PCDHGB1: variants seen among roughly 807,000 people sequenced by gnomAD.
PCDHGB1 encodes the protein protocadherin gamma subfamily B, 1, also known as protocadherin gamma-B1.
PCDHGB1 carries 34 observed loss-of-function variants against 56.6 expected under a neutral mutation model. The ratio of observed to expected loss-of-function variants is 0.60; its 90% CI spans 0.46 to 0.80. PCDHGB1 has a LOEUF of 0.80. PCDHGB1 is among the 30% of genes least tolerant of loss of function. The probability of loss-of-function intolerance (pLI) is 0.00; values close to 1 mark genes in which losing one functional copy is unlikely to be tolerated. For missense variants in PCDHGB1, 1,278 were observed against 1,204.6 expected (o/e 1.06, Z -0.90); for synonymous variants, 561 against 505.9 (o/e 1.11, Z -1.46).
chr5:141,371,704 C>A, intron 1 of PCDHGB1: 1 of 1,614,030 alleles, frequency 6.2e-7, no homozygotes, highest in Non-Finnish European at 8.5e-7. Context: ...TCCAGCAAGA[C>A]CATCACTCTG....
In PCDHGB1 at chr5:141,486,270, G is replaced by A. The variant is rs1052584402; in HGVS notation, c.2410-8537G>A. 2 of 1,614,062 alleles carry A rather than the reference G, an allele frequency of 1.2e-6. No homozygotes were observed. Reference sequence around the variant, plus strand: ...ACCCTCCCCGAGAGTGCAGAACCTGGCACTGTGGTGGCACTTATCAGTGTG... The same window carrying A: ...ACCCTCCCCGAGAGTGCAGAACCTGACACTGTGGTGGCACTTATCAGTGTG... On this transcript the variant is annotated intron_variant, in intron 1 of 3. Coordinates refer to ENST00000523390, the MANE Select transcript of PCDHGB1 (RefSeq NM_018922.3). This position sits in a 1 kb window ranked among gnomAD's most constrained non-coding sequence, Gnocchi z 5.0.
At chr5:141,499,025 GAAGA>G (rs1309889371) in intron 2 of PCDHGB1, among the ~76,000 whole-genome samples, 11 of 140,712 alleles carry the variant, frequency 7.8e-5, no homozygotes, top group African/African-American at 2.6e-4. Flanking sequence ...AGGAAGGAAG[GAAGA>G]AAAGAAAGAA....
intron 1 of PCDHGB1, chr5:141,375,643 C>T (rs1443985601): frequency 1.9e-6 from 3 of 1,614,092 alleles, no homozygotes; most frequent in Admixed American, 3.3e-5. Flanking sequence ...TGCGCTCCTT[C>T]GACTATGAGC....
Position 141,491,913 on chromosome 5 carries a change from T to C in PCDHGB1, c.2410-2894T>C, listed in dbSNP as rs2099735120. 2.1e-6 allele frequency: 3 copies of C among 1,398,206 alleles called. No homozygotes were observed. Among genetic ancestry groups the C allele is most frequent in the Non-Finnish European group, 2.9e-6 (3 of 1,051,918 alleles). The allele number at this position is 1,398,206 out of a possible 1,614,324, so 86.6% of individuals were successfully genotyped here. On this transcript the variant is annotated intron_variant, in intron 1 of 3. Coordinates refer to ENST00000523390, the MANE Select transcript of PCDHGB1 (RefSeq NM_018922.3). The surrounding 1 kb of genome is among the most constrained non-coding windows in gnomAD (Gnocchi z 6.9). ...TCCGAGCACCGGGGGTGGTGGCGAC[T>C]GTGGGCGAGGGGAGGTGGGACCGAC... is the stretch of plus-strand genomic sequence containing the variant.
intron 1 of PCDHGB1, chr5:141,408,653 C>T (rs1589679123): frequency 6.2e-7 from 1 of 1,613,982 alleles, no homozygotes; most frequent in African/African-American, 1.3e-5. Context: ...CGCTGGTACA[C>T]GACTATCGCT....
intron 2 of PCDHGB1, among the ~76,000 whole-genome samples, chr5:141,500,259 A>G (rs1595658540): frequency 6.6e-6 from 1 of 151,044 alleles, no homozygotes; most frequent in East Asian, 2.0e-4. Context: ...CCCAGGCTGG[A>G]CTGCAGTGGC....
chr5:141,410,746 C>A (rs1489353130), intron 1 of PCDHGB1: 28 of 1,269,804 alleles, frequency 2.2e-5, no homozygotes, highest in Non-Finnish European at 2.7e-5. Flanking sequence ...ACAATATTTT[C>A]TCAATGTTTT....
rs532318617 is a variant in PCDHGB1, at chr5:141,384,539, C to T, written c.2409+31870C>T. On this transcript the variant is annotated intron_variant, in intron 1 of 3. Coordinates refer to ENST00000523390, the MANE Select transcript of PCDHGB1 (RefSeq NM_018922.3). ...GACCCGCCTCTCAGCAGCAACATGT[C>T]ACTGAGCCTGTTCGTGCTGGACCAG... 44 of 1,614,240 alleles carry T rather than the reference C, an allele frequency of 2.7e-5. No homozygotes were observed. The South Asian group carries it at 4.1e-4, about 15-fold the overall frequency.
intron 1 of PCDHGB1, chr5:141,360,701 G>A (rs1316006767): frequency 6.2e-7 from 1 of 1,613,936 alleles, no homozygotes; most frequent in Admixed American, 1.7e-5. Flanking sequence ...CCAGATGGTC[G>A]TAAATATCCT....
chr5:141,410,180 C>G (rs776702898), intron 1 of PCDHGB1: 43 of 1,613,802 alleles, frequency 2.7e-5, no homozygotes, highest in Non-Finnish European at 3.4e-5. Context: ...CACCGCCACG[C>G]TTCATCTGGT....
intron 1 of PCDHGB1, chr5:141,370,440 A>G (rs1390213172): frequency 6.2e-7 from 1 of 1,605,404 alleles, no homozygotes; most frequent in Non-Finnish European, 8.5e-7. Flanking sequence ...GCAGAGGCGA[A>G]TGCTATTTCT....
chr5:141,417,782 C>T (rs2096161767), intron 1 of PCDHGB1: 1 of 1,473,310 alleles, frequency 6.8e-7, no homozygotes, highest in Non-Finnish European at 9.0e-7. Flanking sequence ...CTGTCCTGGG[C>T]CGAATGCTCT....
At chr5:141,403,226 C>A in intron 1 of PCDHGB1, 3 of 1,613,926 alleles carry the variant, frequency 1.9e-6, no homozygotes, top group South Asian at 1.1e-5. Context: ...TAGGATAGAC[C>A]GGGAGGAGCT....
At chr5:141,366,664 G>T (rs1477897734) in intron 1 of PCDHGB1, 2 of 1,614,118 alleles carry the variant, frequency 1.2e-6, no homozygotes, top group African/African-American at 1.3e-5. Context: ...ACGCAGACAC[G>T]CTCCTTAGTG....
At chr5:141,468,063 A>G (rs2099157033) in intron 1 of PCDHGB1, among the ~76,000 whole-genome samples, 1 of 152,064 alleles carries the variant, frequency 6.6e-6, no homozygotes, top group South Asian at 2.1e-4. Flanking sequence ...AGTGGCTCAC[A>G]CCTGTAATCC....
chr5:141,419,523 G>T (rs553587727), intron 1 of PCDHGB1: 21 of 1,612,086 alleles, frequency 1.3e-5, no homozygotes, highest in East Asian at 2.2e-5. Flanking sequence ...GTGGGCGACC[G>T]TAACGACAAC....
Position 141,485,117 on chromosome 5 carries a change from G to A in PCDHGB1, c.2410-9690G>A. The A allele has an allele frequency of 3.0e-6, 4 of 1,326,200 alleles. No homozygotes were observed. The highest frequency in any genetic ancestry group is 4.3e-6 in the Non-Finnish European group (4 of 933,470). 82.2% of individuals were successfully genotyped at this position (1,326,200 alleles called of 1,614,324 possible). On this transcript the variant is annotated intron_variant, in intron 1 of 3. Transcript: ENST00000523390. The surrounding 1 kb of genome is among the most constrained non-coding windows in gnomAD (Gnocchi z 5.7). ...GTCTCCAGCTGCTGTGGCTGTTTGG[G>A]GCGGGTCGGCTTCATCCGCGTCTCA...
chr5:141,355,205 C>T (rs1228836363), intron 1 of PCDHGB1: 2 of 1,597,330 alleles, frequency 1.3e-6, no homozygotes, highest in East Asian at 2.2e-5. Flanking sequence ...GTTGTAATGG[C>T]GGCGCCTCCT....
Position 141,489,434 on chromosome 5 carries a change from A to G in PCDHGB1, c.2410-5373A>G. On this transcript the variant is annotated intron_variant, in intron 1 of 3. Transcript: ENST00000523390. This position sits in a 1 kb window ranked among gnomAD's most constrained non-coding sequence, Gnocchi z 4.5. ...ACAGATCTGTTGAGCCGGCGGCTGC[A>G]ATTGGGCTCTGAGGAGAATGGGCGC... 6.2e-7 allele frequency: 1 copy of G among 1,614,138 alleles called. No individual in the cohort carries two copies. The highest frequency in any genetic ancestry group is 8.5e-7 in the Non-Finnish European group (1 of 1,180,044).
Sources: allele counts gnomAD v4.1 joint callset (sites outside exome capture counted in the v4.1 genomes callset), GRCh38; gene constraint gnomAD v4.1.1; non-coding constraint Gnocchi (gnomAD v3.1); transcripts MANE v1.5; gene names NCBI Gene and HGNC (gene_info 2026-07-23, HGNC 2026-07-21).